AFG2A: variants seen among roughly 807,000 people sequenced by gnomAD.
The protein encoded by AFG2A is ATPase family gene 2 protein homolog A.
chr4:123,237,722 A>G, the AFG2A span, among the ~76,000 whole-genome samples: 1 of 151,076 alleles, frequency 6.6e-6, no homozygotes, highest in Non-Finnish European at 1.5e-5. Context: ...AGAGGGCCAA[A>G]TAGGAACAGC....
the AFG2A span, among the ~76,000 whole-genome samples, chr4:123,293,186 C>T: frequency 6.6e-6 from 1 of 152,180 alleles, no homozygotes; most frequent in East Asian, 1.9e-4. Flanking sequence ...TGCACCCAAG[C>T]CAAGCTCCTG....
At chr4:123,072,255 C>CAT in the AFG2A span, among the ~76,000 whole-genome samples, 1 of 152,098 alleles carries the variant, frequency 6.6e-6, no homozygotes, top group Non-Finnish European at 1.5e-5. Context: ...TGACACAGAG[C>CAT]AACTTACACA....
chr4:122,998,123 A>T, the AFG2A span, among the ~76,000 whole-genome samples: 1 of 152,042 alleles, frequency 6.6e-6, no homozygotes, highest in African/African-American at 2.4e-5. Context: ...GGGTCCTTTG[A>T]AGCACAAAAG....
the AFG2A span, among the ~76,000 whole-genome samples, chr4:123,215,492 T>G: frequency 1.3e-5 from 2 of 152,122 alleles, no homozygotes; most frequent in African/African-American, 4.8e-5. Flanking sequence ...CTTTTACAGA[T>G]AAGAAAACGT....
At chr4:123,160,958 G>C in the AFG2A span, among the ~76,000 whole-genome samples, 1 of 152,152 alleles carries the variant, frequency 6.6e-6, no homozygotes, top group Admixed American at 6.5e-5. Flanking sequence ...TGTGTTCTCT[G>C]TCTCTCTCAA....
the AFG2A span, among the ~76,000 whole-genome samples, chr4:123,287,752 A>C: frequency 6.6e-6 from 1 of 152,198 alleles, no homozygotes; most frequent in Non-Finnish European, 1.5e-5. Context: ...AAAATATAGT[A>C]TGTGGCAATA....
the AFG2A span, among the ~76,000 whole-genome samples, chr4:123,155,757 C>T: frequency 6.6e-6 from 1 of 152,172 alleles, no homozygotes; most frequent in African/African-American, 2.4e-5. Context: ...TGAACATCCT[C>T]AGATTTTGGT....
chr4:123,297,425 G>A, the AFG2A span, among the ~76,000 whole-genome samples: 2 of 152,158 alleles, frequency 1.3e-5, no homozygotes, highest in African/African-American at 4.8e-5. Context: ...AAGGTCTAAG[G>A]AAATGGCAAC....
chr4:123,156,725 A>G, the AFG2A span, among the ~76,000 whole-genome samples: 1 of 150,150 alleles, frequency 6.7e-6, no homozygotes, highest in Non-Finnish European at 1.5e-5. Flanking sequence ...CTGCCCTCCA[A>G]AGGCTTTATG....
chr4:123,052,502 C>G, the AFG2A span, among the ~76,000 whole-genome samples: 1 of 152,156 alleles, frequency 6.6e-6, no homozygotes, highest in Non-Finnish European at 1.5e-5. Context: ...CTTCTTGATG[C>G]TTGTGAAATT....
the AFG2A span, among the ~76,000 whole-genome samples, chr4:123,038,413 A>G: frequency 4.1e-3 from 622 of 152,244 alleles, 1 homozygote; most frequent in African/African-American, 0.014. Context: ...ATATGACATC[A>G]CAGCTTATGA....
chr4:122,957,205 G>A, the AFG2A span, among the ~76,000 whole-genome samples: 26 of 152,178 alleles, frequency 1.7e-4, no homozygotes, highest in Admixed American at 1.7e-3. Context: ...GGCCTCATCG[G>A]CTATTTTCAG....
the AFG2A span, among the ~76,000 whole-genome samples, chr4:123,267,292 T>C: frequency 6.6e-6 from 1 of 152,030 alleles, no homozygotes. Context: ...GTTTTCTCTT[T>C]TTATTTTATT....
the AFG2A span, among the ~76,000 whole-genome samples, chr4:122,924,202 A>G: frequency 3.9e-5 from 6 of 152,196 alleles, no homozygotes; most frequent in African/African-American, 1.4e-4. Context: ...GATCCTTCCC[A>G]TTGACATGTA....
chr4:123,244,052 G>C, the AFG2A span, among the ~76,000 whole-genome samples: 2,151 of 151,938 alleles, frequency 0.014, 50 homozygotes, highest in African/African-American at 0.049. Flanking sequence ...GTAAGTAATA[G>C]AGCCAGAATT....
the AFG2A span, among the ~76,000 whole-genome samples, chr4:123,293,265 C>T: frequency 1.3e-5 from 2 of 152,132 alleles, no homozygotes; most frequent in African/African-American, 2.4e-5. Flanking sequence ...GGTCCCTTCA[C>T]GAGCACTGGG....
the AFG2A span, among the ~76,000 whole-genome samples, chr4:122,928,119 A>G: frequency 6.6e-6 from 1 of 152,218 alleles, no homozygotes; most frequent in Non-Finnish European, 1.5e-5. Context: ...TGGGCATAGT[A>G]GCCCCTAAAA....
At chr4:122,939,077 T>TC in the AFG2A span, among the ~76,000 whole-genome samples, 1 of 75,436 alleles carries the variant, frequency 1.3e-5, no homozygotes, top group African/African-American at 6.0e-5. Flanking sequence ...TGTTCTTTCT[T>TC]TTTTTTTTTT....
chr4:123,004,341 C>G, the AFG2A span, among the ~76,000 whole-genome samples: 35 of 152,342 alleles, frequency 2.3e-4, no homozygotes, highest in South Asian at 6.2e-3. Context: ...GTCTGGCACT[C>G]CCTAGTGAGA....
Sources: allele counts gnomAD v4.1 joint callset (sites outside exome capture counted in the v4.1 genomes callset), GRCh38; gene constraint gnomAD v4.1.1; transcripts MANE v1.5; gene names NCBI Gene and HGNC (gene_info 2026-07-23, HGNC 2026-07-21).